The following KIAA0319L variants were observed in gnomAD, a reference collection of about 807,000 sequenced individuals.
KIAA0319L encodes the protein dyslexia-associated protein KIAA0319-like protein.
Under a neutral mutation model 120.1 loss-of-function variants are expected in KIAA0319L, and 55 were observed. The ratio of observed to expected loss-of-function variants is 0.46; its 90% CI spans 0.37 to 0.57. KIAA0319L has a LOEUF of 0.57. Among genes scored for constraint, KIAA0319L ranks in the 20% least tolerant of loss-of-function variants. KIAA0319L has a pLI of 0.00. For synonymous variants in KIAA0319L, 398 were observed against 471.9 expected (o/e 0.84, Z 2.03); for missense variants, 1,049 against 1,255.3 (o/e 0.84, Z 2.48).
rs1482507715 is a variant in KIAA0319L, at chr1:35,506,458, T to C, written c.666+154A>G. On this transcript the variant is annotated intron_variant, in intron 3 of 20. Transcript: ENST00000325722. This position sits in a 1 kb window ranked among gnomAD's most constrained non-coding sequence, Gnocchi z 4.0. ...AGGGTCAAATTACCCTTTGTACATC[T>C]GGGCAGCACCAAAGAAGCTGACACC... Among the ~76,000 whole-genome samples the C allele has an allele frequency of 6.6e-6, 1 of 152,218 alleles. No homozygotes were observed. The highest frequency in any genetic ancestry group is 1.9e-4 in the East Asian group (1 of 5,206).
chr1:35,442,456 C>T (rs999794520), intron 18 of KIAA0319L, 120 bp from the exon 19 acceptor site: 7 of 773,016 alleles, frequency 9.1e-6, no homozygotes, highest in African/African-American at 1.7e-5. Flanking sequence ...TCAGGCTCCC[C>T]AGGAAGGTAA....
intron 3 of KIAA0319L, among the ~76,000 whole-genome samples, chr1:35,489,769 C>T (rs1379790923): frequency 2.6e-5 from 4 of 151,450 alleles, no homozygotes; most frequent in Non-Finnish European, 4.4e-5. Flanking sequence ...CAGGTTCAAG[C>T]GATTCTCCTG....
rs750553258 is a variant in KIAA0319L, at chr1:35,507,042, G to T, written c.236C>A (p.Thr79Asn). ...GENHLWLLEG[T>N]PSLQSCWAAC... is the part of the protein sequence containing the mutation. ...AGCCCAACATGACTGGAGAGAGGGGGTTCCTTCAAGAAGCCAGAGGTGATT... is the reference window on the plus strand; with the variant it reads ...AGCCCAACATGACTGGAGAGAGGGGTTTCCTTCAAGAAGCCAGAGGTGATT... The change falls in exon 3 of 21, where the codon ACC becomes AAC. Residue 79 changes from threonine to asparagine, a missense_variant. Transcript: ENST00000325722. 2 of 1,602,666 alleles carry T rather than the reference G, an allele frequency of 1.2e-6. No homozygotes were observed. The highest frequency in any genetic ancestry group is 1.7e-5 in the Admixed American group (1 of 58,088).
chr1:35,554,646 A>T, intron 1 of KIAA0319L, 127 bp from the exon 2 acceptor site: 2 of 550,040 alleles, frequency 3.6e-6, no homozygotes, highest in Non-Finnish European at 6.1e-6. Flanking sequence ...TTAACGGCTC[A>T]ACCCTGCCTA....
At chr1:35,548,180 C>T (rs183601956) in intron 2 of KIAA0319L, among the ~76,000 whole-genome samples, 2 of 151,744 alleles carry the variant, frequency 1.3e-5, no homozygotes, top group Non-Finnish European at 2.9e-5. Flanking sequence ...TTCTACCCAT[C>T]TCTTTAGGAC....
intron 3 of KIAA0319L, among the ~76,000 whole-genome samples, chr1:35,498,816 T>C (rs779959118): frequency 9.9e-5 from 15 of 152,198 alleles, no homozygotes; most frequent in Non-Finnish European, 1.6e-4. Context: ...AACAACAGTT[T>C]ATAAAAATTC....
In KIAA0319L at chr1:35,454,447, T is replaced by C. The variant is rs768431559; in HGVS notation, c.1695A>G (p.Gln565=). 3.7e-6 allele frequency: 6 copies of C among 1,614,072 alleles called. No homozygotes were observed. Among genetic ancestry groups the C allele is most frequent in the Non-Finnish European group, 5.1e-6 (6 of 1,179,936 alleles). Residue 565 remains glutamine (Q), a synonymous_variant, in exon 11 of 21, where the codon CAA becomes CAG. Transcript: ENST00000325722. ...TGAGCTGGTAAGTGTAGTCTCCTTC[T>C]TGCATCGCAGAGAGCTGTAAGGTTG... ...RTPTLQLSAM[Q]EGDYTYQLTV...
chr1:35,460,496 A>G, intron 8 of KIAA0319L, 59 bp from the exon 9 acceptor site: 1 of 1,510,832 alleles, frequency 6.6e-7, no homozygotes, highest in Non-Finnish European at 9.0e-7. Context: ...GCACTTATCC[A>G]GTTTACACAA....
intron 2 of KIAA0319L, among the ~76,000 whole-genome samples, chr1:35,540,350 T>C (rs1221727568): frequency 6.6e-6 from 1 of 152,230 alleles, no homozygotes; most frequent in Non-Finnish European, 1.5e-5. Flanking sequence ...GCTTGCTTCA[T>C]GCTAAGCATT....
Position 35,554,404 on chromosome 1 carries a change from T to C in KIAA0319L, c.88A>G (p.Ser30Gly). 1 of 1,613,436 alleles carries C rather than the reference T, an allele frequency of 6.2e-7. No individual in the cohort carries two copies. The highest frequency in any genetic ancestry group is 8.5e-7 in the Non-Finnish European group (1 of 1,179,828). Residue 30 changes from serine (S) to glycine (G), a missense_variant, in exon 2 of 21, where the codon AGC becomes GGC. Ser to Gly is a moderately conservative substitution (Grantham distance 56, BLOSUM62 0). Coordinates refer to ENST00000325722, the MANE Select transcript of KIAA0319L (RefSeq NM_024874.5). ...YWQTSAKWLR[S>G]LYLFYTCFCF... is the part of the protein sequence containing the mutation. ...AAGCAAGTATAAAACAGGTACAGGC[T>C]TCTCAACCACTTCGCAGATGTCTGC... is the stretch of plus-strand genomic sequence containing the variant.
intron 2 of KIAA0319L, among the ~76,000 whole-genome samples, chr1:35,525,726 T>C (rs1027199088): frequency 1.3e-5 from 2 of 152,242 alleles, no homozygotes; most frequent in Non-Finnish European, 2.9e-5. Flanking sequence ...TTGTGTATTA[T>C]GGATATTAGT....
chr1:35,462,487 T>G, intron 8 of KIAA0319L, 134 bp downstream of exon 8: 1 of 651,776 alleles, frequency 1.5e-6, no homozygotes, highest in Non-Finnish European at 2.6e-6. Flanking sequence ...ATGGTTGGCC[T>G]TCCCCTAACA....
At chr1:35,468,724 C>T (rs920707878) in intron 6 of KIAA0319L, among the ~76,000 whole-genome samples, 1 of 152,156 alleles carries the variant, frequency 6.6e-6, no homozygotes, top group East Asian at 1.9e-4. Flanking sequence ...AGTCAAACTC[C>T]GTATTATTTT....
chr1:35,525,938 T>A (rs923948141), intron 2 of KIAA0319L, among the ~76,000 whole-genome samples: 3 of 148,698 alleles, frequency 2.0e-5, no homozygotes, highest in Admixed American at 2.0e-4. Context: ...GTTTCCCCTA[T>A]GTTTCTTCCC....
rs1641325310 is a variant in KIAA0319L at position 35,442,845 on chromosome 1, C to G, written c.2779+61G>C. The stretch of plus-strand genomic sequence containing the variant: ...CTTCAGAAACACCAACACCCACCCA[C>G]TCAGTGCAGAACCACATTCAGCGCC... On this transcript the variant is annotated intron_variant, in intron 18 of 20. Transcript: ENST00000325722. The G allele has an allele frequency of 6.2e-6, 10 of 1,606,924 alleles. No individual in the cohort carries two copies. In the Admixed American group the frequency reaches 1.7e-4, roughly 27 times the overall value.
intron 4 of KIAA0319L, among the ~76,000 whole-genome samples, chr1:35,475,487 T>A (rs1014244946): frequency 6.6e-6 from 1 of 152,080 alleles, no homozygotes; most frequent in Non-Finnish European, 1.5e-5. Flanking sequence ...ATTTTTTTTT[T>A]CTTTTTGAGT....
intron 8 of KIAA0319L, among the ~76,000 whole-genome samples, 186 bp downstream of exon 8, chr1:35,462,432 AAAG>A (rs1642964077): frequency 6.6e-6 from 1 of 152,242 alleles, no homozygotes; most frequent in African/African-American, 2.4e-5. Context: ...TGGGGATTTT[AAAG>A]AAGGCCTGTC....
intron 6 of KIAA0319L, 122 bp downstream of exon 6, chr1:35,470,741 G>A: frequency 1.5e-6 from 1 of 664,212 alleles, no homozygotes; most frequent in East Asian, 2.7e-5. Flanking sequence ...CAGATTTTTG[G>A]AGGATTCATT....
chr1:35,538,277 A>C lies in KIAA0319L; in HGVS notation c.142+16073T>G, dbSNP rs573942118. On this transcript the variant is annotated intron_variant, in intron 2 of 20. Transcript: ENST00000325722. ...TAATTATCATTAATAATGTGAATTA[A>C]GCATCCTAGAGAAGGTACAAAAATG... 1.8e-3 allele frequency among the ~76,000 whole-genome samples: 278 copies of C among 152,304 alleles called. 5 individuals are homozygous for C. In the South Asian group the frequency reaches 0.022, roughly 12 times the overall value.
Sources: allele counts gnomAD v4.1 joint callset (sites outside exome capture counted in the v4.1 genomes callset), GRCh38; gene constraint gnomAD v4.1.1; non-coding constraint Gnocchi (gnomAD v3.1); transcripts MANE v1.5; gene names NCBI Gene and HGNC (gene_info 2026-07-23, HGNC 2026-07-21).